The following BMPR2 variants were observed in gnomAD, a reference collection of about 807,000 sequenced individuals.
BMPR2 encodes bone morphogenetic protein receptor type 2, also known as bone morphogenetic protein receptor type-2.
In BMPR2, 29 loss-of-function variants were observed where a neutral mutation model predicts 100.8. The observed-to-expected ratio is 0.29, with a 90% confidence interval of 0.21 to 0.39. BMPR2 has a LOEUF of 0.39. BMPR2 is among the 10% of genes least tolerant of loss of function. The probability of loss-of-function intolerance (pLI) is 1.00; values close to 1 mark genes in which losing one functional copy is unlikely to be tolerated. For synonymous variants in BMPR2, 382 were observed against 442.3 expected (o/e 0.86, Z 1.71); for missense variants, 1,011 against 1,274.5 (o/e 0.79, Z 3.15).
At chr2:202,378,395 C>G (rs993767637) in intron 1 of BMPR2, among the ~76,000 whole-genome samples, 1 of 152,114 alleles carries the variant, frequency 6.6e-6, no homozygotes, top group African/African-American at 2.4e-5. Context: ...GTGAATTCTA[C>G]ATATAACTCG....
intron 1 of BMPR2, among the ~76,000 whole-genome samples, chr2:202,408,247 G>C (rs900107044): frequency 2.0e-5 from 3 of 152,198 alleles, no homozygotes; most frequent in African/African-American, 7.2e-5. Flanking sequence ...AATGCTAAAA[G>C]ACTATTCTTC....
intron 10 of BMPR2, among the ~76,000 whole-genome samples, chr2:202,550,229 C>G (rs1336497876): frequency 6.6e-6 from 1 of 151,954 alleles, no homozygotes; most frequent in Non-Finnish European, 1.5e-5. Flanking sequence ...CAAAATTAGC[C>G]AGGTGTGGTG....
chr2:202,409,027 T>G (rs1322360967), intron 1 of BMPR2, among the ~76,000 whole-genome samples: 2 of 152,154 alleles, frequency 1.3e-5, no homozygotes, highest in African/African-American at 2.4e-5. Flanking sequence ...AGGAACAAAC[T>G]ACTCTTCTTA....
intron 1 of BMPR2, among the ~76,000 whole-genome samples, chr2:202,406,512 G>T (rs1257684831): frequency 1.3e-5 from 2 of 152,216 alleles, no homozygotes; most frequent in African/African-American, 4.8e-5. Context: ...GCCATAACAG[G>T]AGTCCTACTG....
rs539280350 is a variant in BMPR2, at chr2:202,439,689, A to G, written c.77-25120A>G. On this transcript the variant is annotated intron_variant, in intron 1 of 12. Transcript: ENST00000374580. ...TTGTCTCGTTCCTGATCTTCGAAGG[A>G]AAGTTTTTAGTTTTTCACCATTAAG... Among the ~76,000 whole-genome samples, 20 of 149,778 alleles carry G rather than the reference A, an allele frequency of 1.3e-4. 1 individual carries two copies. The South Asian group carries it at 1.9e-3, about 14-fold the overall frequency.
intron 1 of BMPR2, among the ~76,000 whole-genome samples, chr2:202,421,750 A>G (rs1218392020): frequency 6.7e-6 from 1 of 149,326 alleles, no homozygotes; most frequent in Admixed American, 6.7e-5. Flanking sequence ...AAAAAAAAAA[A>G]GTCACTTCCA....
At chr2:202,543,266 A>ATATATATATTTATATACATATATATT in intron 10 of BMPR2, among the ~76,000 whole-genome samples, 1 of 147,690 alleles carries the variant, frequency 6.8e-6, no homozygotes, top group African/African-American at 2.5e-5. Context: ...ACATATATTT[A>ATATATATATTTATATACATATATATT]TATATATGTA....
chr2:202,430,851 C>G (rs1691487821), intron 1 of BMPR2, among the ~76,000 whole-genome samples: 1 of 149,430 alleles, frequency 6.7e-6, no homozygotes, highest in Admixed American at 6.6e-5. Context: ...CCCAGCTACT[C>G]AGGAGGCTGA....
chr2:202,556,304 A>G lies in BMPR2; in HGVS notation c.2639A>G (p.Asp880Gly). The stretch of plus-strand genomic sequence containing the variant: ...AGACGAGAGCAACAAGCTGGCCATG[A>G]TGAAGGTGTTCTGGATCGTCTTGTG... ...LLRREQQAGH[D>G]EGVLDRLVDR... The change falls in exon 12 of 13, where the codon GAT becomes GGT. Residue 880 changes from aspartate (D) to glycine (G), a missense_variant. Coordinates refer to ENST00000374580, the MANE Select transcript of BMPR2 (RefSeq NM_001204.7). The G allele has an allele frequency of 6.2e-7, 1 of 1,614,222 alleles. No homozygotes were observed. Among genetic ancestry groups the G allele is most frequent in the Non-Finnish European group, 8.5e-7 (1 of 1,180,028 alleles).
intron 1 of BMPR2, among the ~76,000 whole-genome samples, chr2:202,377,907 G>A (rs1690186828): frequency 6.6e-6 from 1 of 152,182 alleles, no homozygotes; most frequent in Non-Finnish European, 1.5e-5. Context: ...TCTGGAAACA[G>A]ACCTGTAGAT....
intron 12 of BMPR2, among the ~76,000 whole-genome samples, chr2:202,557,904 C>T (rs925532290): frequency 6.6e-6 from 1 of 151,992 alleles, no homozygotes; most frequent in Non-Finnish European, 1.5e-5. Flanking sequence ...AATGTTATAC[C>T]AGTATAATCT....
At chr2:202,387,839 ATTTAG>A (rs975724672) in intron 1 of BMPR2, among the ~76,000 whole-genome samples, 1 of 152,172 alleles carries the variant, frequency 6.6e-6, no homozygotes, top group Non-Finnish European at 1.5e-5. Flanking sequence ...AAAAACTTTT[ATTTAG>A]TTACTTCACA....
In BMPR2 at chr2:202,563,740, T is replaced by C. The variant is rs886055484; in HGVS notation, c.*3794T>C. The C allele has an allele frequency of 2.6e-5, 4 of 151,790 alleles. No individual in the cohort carries two copies. 9.4% of individuals were successfully genotyped at this position (151,790 alleles called of 1,614,324 possible). On this transcript the variant is annotated 3_prime_UTR_variant, in exon 13 of 13. Transcript: ENST00000374580. The stretch of plus-strand genomic sequence containing the variant: ...TGGGAACAGAGACCTTTCCCTAAAT[T>C]GATTCCATAGCAGATTTGGGGGAAT...
At chr2:202,492,700 C>CAAAAAAAAAAAAA (rs1166246933) in intron 3 of BMPR2, among the ~76,000 whole-genome samples, 29 of 52,792 alleles carry the variant, frequency 5.5e-4, no homozygotes, top group South Asian at 9.4e-4. Context: ...AGCTCTGTCT[C>CAAAAAAAAAAAAA]AAAAAAAAAA....
intron 1 of BMPR2, among the ~76,000 whole-genome samples, chr2:202,395,780 A>T (rs1690645594): frequency 6.6e-6 from 1 of 152,110 alleles, no homozygotes; most frequent in African/African-American, 2.4e-5. Flanking sequence ...TACTAAAAAT[A>T]CAAAAATTAG....
chr2:202,384,086 C>T (rs1690364487), intron 1 of BMPR2, among the ~76,000 whole-genome samples: 1 of 152,128 alleles, frequency 6.6e-6, no homozygotes, highest in African/African-American at 2.4e-5. Flanking sequence ...GCAGGAGAAT[C>T]ACTTGAACCC....
intron 3 of BMPR2, chr2:202,474,939 A>T (rs1692513601): frequency 6.6e-6 from 1 of 152,210 alleles, no homozygotes; most frequent in African/African-American, 2.4e-5. Context: ...GAAAAAGAGA[A>T]AAATGACATA....
chr2:202,381,911 A>G lies in BMPR2; in HGVS notation c.76+4361A>G, dbSNP rs75164118. 2.0e-3 allele frequency among the ~76,000 whole-genome samples: 302 copies of G among 152,012 alleles called. 2 individuals are homozygous for G. Among genetic ancestry groups the G allele is most frequent in the African/African-American group, 6.6e-3 (274 of 41,454 alleles). ...TTTTAACAAAAAGAGAAGAAATTGA[A>G]TATTGATCTCTAATGGGTAAATTCT... On this transcript the variant is annotated intron_variant, in intron 1 of 12. Transcript: ENST00000374580.
At chr2:202,407,992 C>T (rs1317449600) in intron 1 of BMPR2, among the ~76,000 whole-genome samples, 1 of 151,686 alleles carries the variant, frequency 6.6e-6, no homozygotes, top group Non-Finnish European at 1.5e-5. Flanking sequence ...CACCACCACG[C>T]CTGGCTATTT....
Sources: allele counts gnomAD v4.1 joint callset (sites outside exome capture counted in the v4.1 genomes callset), GRCh38; gene constraint gnomAD v4.1.1; transcripts MANE v1.5; gene names NCBI Gene and HGNC (gene_info 2026-07-23, HGNC 2026-07-21).